MALRD1: variants seen among roughly 807,000 people sequenced by gnomAD.
MALRD1 encodes the protein MAM and LDL-receptor class A domain-containing protein 1.
MALRD1 carries 247 observed loss-of-function variants against 242.1 expected under a neutral mutation model. The observed-to-expected ratio is 1.02, with a 90% CI of 0.92 to 1.13. The LOEUF is 1.13. Among genes scored for constraint, MALRD1 ranks in the 50% most tolerant of loss-of-function variants. The probability of loss-of-function intolerance (pLI) is 0.00; values close to 1 mark genes in which losing one functional copy is unlikely to be tolerated. For synonymous variants in MALRD1, 995 were observed against 866.6 expected, an observed-to-expected ratio of 1.15 and a Z score of -2.60; for missense variants, 2,989 against 2,533.1, an observed-to-expected ratio of 1.18 and a Z score of -3.86.
At chr10:19,609,572 C>G (rs372676685) in intron 35 of MALRD1, among the ~76,000 whole-genome samples, 2 of 152,048 alleles carry the variant, frequency 1.3e-5, no homozygotes, top group African/African-American at 4.8e-5. Context: ...ACCATGGTCA[C>G]TATCTGGCCT....
intron 38 of MALRD1, among the ~76,000 whole-genome samples, chr10:19,718,126 G>C (rs1312388722): frequency 2.0e-5 from 3 of 148,524 alleles, no homozygotes; most frequent in Non-Finnish European, 4.5e-5. Context: ...AGAAGAAGAA[G>C]AGGAAGAAGA....
At chr10:19,402,714 A>G (rs961204653) in intron 28 of MALRD1, among the ~76,000 whole-genome samples, 1 of 152,162 alleles carries the variant, frequency 6.6e-6, no homozygotes, top group African/African-American at 2.4e-5. Flanking sequence ...TATTATTAAT[A>G]CACATGTGTC....
chr10:19,689,423 A>T (rs1452639384), intron 36 of MALRD1, among the ~76,000 whole-genome samples: 1 of 152,154 alleles, frequency 6.6e-6, no homozygotes, highest in African/African-American at 2.4e-5. Flanking sequence ...AATAAACATC[A>T]CGTGACCATT....
chr10:19,510,492 A>C (rs199980725), intron 31 of MALRD1, among the ~76,000 whole-genome samples: 1,021 of 98,668 alleles, frequency 0.01, no homozygotes, highest in Admixed American at 0.014. Flanking sequence ...GTCCCTGGGT[A>C]CTTGAGAGTA....
rs576163687 is a variant in MALRD1 at position 19,393,401 on chromosome 10, A to G, written c.4845+3792A>G. ...TTTTTTCACAAATTTTACTCCCACT[A>G]TTTTACCTATTTTCTAGTCACTTGT... On this transcript the variant is annotated intron_variant, in intron 28 of 39. Transcript: ENST00000454679. 7.7e-4 allele frequency among the ~76,000 whole-genome samples: 111 copies of G among 143,678 alleles called. 1 individual carries two copies. The highest frequency in any genetic ancestry group is 2.7e-3 in the African/African-American group (104 of 38,752). The allele number at this position is 143,678 out of a possible 152,430, so 94.3% of individuals were successfully genotyped here.
At chr10:19,232,686 C>T (rs907012835) in intron 18 of MALRD1, among the ~76,000 whole-genome samples, 1 of 151,930 alleles carries the variant, frequency 6.6e-6, no homozygotes, top group Non-Finnish European at 1.5e-5. Context: ...ATTATAATTA[C>T]CTAAAGAATA....
At chr10:19,087,039 T>G (rs1835692246) in intron 2 of MALRD1, among the ~76,000 whole-genome samples, 1 of 152,040 alleles carries the variant, frequency 6.6e-6, no homozygotes, top group Admixed American at 6.6e-5. Flanking sequence ...TGAAGTTTGG[T>G]CTTTACACCA....
At chr10:19,611,198 T>A (rs986266496) in intron 35 of MALRD1, among the ~76,000 whole-genome samples, 1 of 151,906 alleles carries the variant, frequency 6.6e-6, no homozygotes, top group African/African-American at 2.4e-5. Flanking sequence ...TGAAGAATCT[T>A]ATACTTAGAG....
chr10:19,605,242 C>T (rs1046318093), intron 34 of MALRD1, among the ~76,000 whole-genome samples: 5 of 151,566 alleles, frequency 3.3e-5, no homozygotes, highest in Admixed American at 1.3e-4. Context: ...GTAACCTCCA[C>T]CTCCCAGGTT....
chr10:19,113,069 C>G (rs550262986), intron 5 of MALRD1, among the ~76,000 whole-genome samples: 1 of 151,686 alleles, frequency 6.6e-6, no homozygotes, highest in Non-Finnish European at 1.5e-5. Flanking sequence ...TGACTTTGTT[C>G]CAGCCCACAT....
At chr10:19,653,085 A>G (rs1840970386) in intron 36 of MALRD1, among the ~76,000 whole-genome samples, 1 of 152,184 alleles carries the variant, frequency 6.6e-6, no homozygotes, top group African/African-American at 2.4e-5. Flanking sequence ...AGTCTATTGT[A>G]CAAATCAGCA....
chr10:19,130,537 T>G (rs1833060381), intron 8 of MALRD1, among the ~76,000 whole-genome samples: 1 of 152,188 alleles, frequency 6.6e-6, no homozygotes, highest in African/African-American at 2.4e-5. Flanking sequence ...ATTTTTAGCC[T>G]AAATTTAAGT....
intron 23 of MALRD1, among the ~76,000 whole-genome samples, chr10:19,329,047 C>T (rs1480227294): frequency 6.6e-6 from 1 of 152,178 alleles, no homozygotes; most frequent in Non-Finnish European, 1.5e-5. Flanking sequence ...TCAGCACATA[C>T]AATCAATTAT....
chr10:19,105,248 G>A (rs1274691324), intron 5 of MALRD1, among the ~76,000 whole-genome samples: 4 of 151,876 alleles, frequency 2.6e-5, no homozygotes, highest in Non-Finnish European at 4.4e-5. Context: ...TTTTGCAGAT[G>A]AGTAAGATAA....
chr10:19,567,841 T>A, intron 33 of MALRD1, 138 bp downstream of exon 33: 1 of 722,648 alleles, frequency 1.4e-6, no homozygotes, highest in Non-Finnish European at 2.2e-6. Context: ...TCACATATAC[T>A]AAGAAGTAAA....
At chr10:19,256,116 A>G (rs893669591) in intron 18 of MALRD1, among the ~76,000 whole-genome samples, 8 of 152,070 alleles carry the variant, frequency 5.3e-5, no homozygotes, top group Non-Finnish European at 1.0e-4. Flanking sequence ...TCTCATTAAT[A>G]AGATAATGAT....
In MALRD1 at chr10:19,734,344, G is replaced by T; in HGVS notation, c.*107G>T. Reference sequence around the variant, plus strand: ...TACAATGGTAAAAAGAGAAAGGATTGTAAATGCCAGTGTAATTATAACATT... The same window carrying T: ...TACAATGGTAAAAAGAGAAAGGATTTTAAATGCCAGTGTAATTATAACATT... On this transcript the variant is annotated 3_prime_UTR_variant, in exon 40 of 40. Transcript: ENST00000454679. 2.3e-6 allele frequency: 2 copies of T among 867,828 alleles called. No homozygotes were observed. Among genetic ancestry groups the T allele is most frequent in the South Asian group, 1.7e-5 (1 of 58,006 alleles). 53.8% of individuals were successfully genotyped at this position (867,828 alleles called of 1,614,324 possible).
At chr10:19,387,480 T>C in intron 26 of MALRD1, 48 bp from the exon 27 acceptor site, 2 of 1,514,246 alleles carry the variant, frequency 1.3e-6, no homozygotes, top group East Asian at 4.9e-5. Context: ...CCTCACTGAA[T>C]GTGTTAGGAG....
intron 28 of MALRD1, among the ~76,000 whole-genome samples, chr10:19,408,650 C>T (rs1222697469): frequency 6.6e-6 from 1 of 151,776 alleles, no homozygotes; most frequent in Non-Finnish European, 1.5e-5. Context: ...ATACAGTTGG[C>T]AAAACAAAAA....
Sources: gnomAD v4.1 joint callset for allele counts (sites outside exome capture counted in the v4.1 genomes callset) on GRCh38, gnomAD v4.1.1 for gene constraint, MANE v1.5 for transcripts, NCBI Gene and HGNC (gene_info 2026-07-23, HGNC 2026-07-21) for gene names.